The following TTC7B variants were observed in gnomAD, a reference collection of about 807,000 sequenced individuals.
TTC7B encodes the protein tetratricopeptide repeat domain 7B.
TTC7B carries 28 observed loss-of-function variants against 106.8 expected under a neutral mutation model. The observed-to-expected ratio is 0.26, with a 90% confidence interval of 0.19 to 0.36. The LOEUF (loss-of-function observed/expected upper bound fraction) is 0.36. Ranked by LOEUF, TTC7B falls within the 10% of genes least tolerant of loss-of-function variation. The pLI is 1.00. For missense variants in TTC7B, 862 were observed against 1,076.4 expected, an observed-to-expected ratio of 0.80 and a Z score of 2.79; for synonymous variants, 405 against 430.6, an observed-to-expected ratio of 0.94 and a Z score of 0.74.
chr14:90,679,216 A>G (rs1043918250), intron 8 of TTC7B, among the ~76,000 whole-genome samples: 10 of 152,374 alleles, frequency 6.6e-5, no homozygotes, highest in African/African-American at 2.2e-4. Flanking sequence ...AAGAGCCTCC[A>G]GATCAAAAGA....
rs956601615 is a variant in TTC7B, at chr14:90,578,836, C to T, written c.2108-528G>A. Among the ~76,000 whole-genome samples the T allele has an allele frequency of 2.0e-5, 3 of 152,108 alleles. No homozygotes were observed. Among genetic ancestry groups the T allele is most frequent in the Admixed American group, 6.6e-5 (1 of 15,264 alleles). ...CAGGCGTGATGCAAGATGGCTGCCC[C>T]GCCACACCTGGCCCCTGAGCTCACC... On this transcript the variant is annotated intron_variant, in intron 18 of 19. Transcript: ENST00000328459. The surrounding 1 kb of genome is among the most constrained non-coding windows in gnomAD (Gnocchi z 4.7).
At position 90,759,535 on chromosome 14, in the gene TTC7B, G is replaced by C. The variant is rs947199013; in HGVS notation, c.446-14613C>G. On this transcript the variant is annotated intron_variant, in intron 3 of 19. Coordinates refer to ENST00000328459, the MANE Select transcript of TTC7B (RefSeq NM_001010854.2). This position sits in a 1 kb window ranked among gnomAD's most constrained non-coding sequence, Gnocchi z 4.1. ...ACCACACATTGCAGAGGCGAAAACT[G>C]CATTAAGGAGGCCCAGAGAGTCACC... is the stretch of plus-strand genomic sequence containing the variant. Among the ~76,000 whole-genome samples, 1 of 152,188 alleles carries C rather than the reference G, an allele frequency of 6.6e-6. No homozygotes were observed. Among genetic ancestry groups the C allele is most frequent in the African/African-American group, 2.4e-5 (1 of 41,444 alleles).
chr14:90,747,688 T>G (rs1327176435), intron 3 of TTC7B, among the ~76,000 whole-genome samples: 2 of 152,250 alleles, frequency 1.3e-5, no homozygotes, highest in Non-Finnish European at 2.9e-5. Flanking sequence ...ACCAATCATC[T>G]GTCCACTTGT....
chr14:90,643,974 T>C (rs1427967525), intron 15 of TTC7B, 74 bp downstream of exon 15: 1 of 1,563,974 alleles, frequency 6.4e-7, no homozygotes, highest in African/African-American at 1.4e-5. Context: ...TTAGACAGAT[T>C]GGAAAGAAGG....
chr14:90,766,838 T>C, intron 3 of TTC7B: 1 of 1,596,628 alleles, frequency 6.3e-7, no homozygotes, highest in South Asian at 1.1e-5. Context: ...GCCAATGGTC[T>C]GGACAACAAG....
At chr14:90,643,300 A>T (rs1351696513) in intron 15 of TTC7B, among the ~76,000 whole-genome samples, 2 of 151,910 alleles carry the variant, frequency 1.3e-5, no homozygotes, top group Non-Finnish European at 2.9e-5. Flanking sequence ...CCCAGCTACT[A>T]GGGAAGCTGA....
At position 90,657,413 on chromosome 14, in the gene TTC7B, G is replaced by T. The variant is rs948494947; in HGVS notation, c.1237-135C>A. On this transcript the variant is annotated intron_variant, in intron 10 of 19. Transcript: ENST00000328459. This position sits in a 1 kb window ranked among gnomAD's most constrained non-coding sequence, Gnocchi z 4.2. ...CAACTTTAAGCCCAAGCAAGCGGGG[G>T]CCTGAGGTGCATGAAAACCAGAGCC... 2.8e-6 allele frequency: 2 copies of T among 708,014 alleles called. No homozygotes were observed. The highest frequency in any genetic ancestry group is 2.8e-5 in the Admixed American group (1 of 35,278). The allele number at this position is 708,014 out of a possible 1,614,324, so 43.9% of individuals were successfully genotyped here.
At chr14:90,591,701 A>ACCAG (rs1891965597) in intron 18 of TTC7B, among the ~76,000 whole-genome samples, 1 of 152,218 alleles carries the variant, frequency 6.6e-6, no homozygotes. Context: ...CTGCCCCTAC[A>ACCAG]CCAGCCCCAC....
At chr14:90,605,076 T>C (rs921192481) in intron 17 of TTC7B, among the ~76,000 whole-genome samples, 2 of 152,084 alleles carry the variant, frequency 1.3e-5, no homozygotes, top group African/African-American at 4.8e-5. Flanking sequence ...GAATATAAAG[T>C]TGGGGGTGGG....
intron 19 of TTC7B, among the ~76,000 whole-genome samples, chr14:90,554,331 T>A (rs1890210990): frequency 6.6e-6 from 1 of 152,140 alleles, no homozygotes; most frequent in Non-Finnish European, 1.5e-5. Context: ...GGACCAGCCA[T>A]CCTATTTGAC....
chr14:90,756,384 G>GTTTTTTTTTTT (rs369068692), intron 3 of TTC7B, among the ~76,000 whole-genome samples: 15 of 126,814 alleles, frequency 1.2e-4, no homozygotes, highest in Admixed American at 2.9e-4. Flanking sequence ...TTTTTTTTTT[G>GTTTTTTTTTTT]TTTTTTTTTT....
At chr14:90,678,905 C>T (rs906006441) in intron 8 of TTC7B, among the ~76,000 whole-genome samples, 3 of 152,160 alleles carry the variant, frequency 2.0e-5, no homozygotes, top group Non-Finnish European at 4.4e-5. Flanking sequence ...AGTCATCATG[C>T]TTTCAGAACT....
In TTC7B at chr14:90,531,287, A is replaced by C. The variant is rs1228135237; in HGVS notation, c.*10081T>G. ...AACAAACAAACAAACAAACAAAAAA[A>C]CAGCTGGGCACAGTGGCTCACGCCT... On this transcript the variant is annotated 3_prime_UTR_variant, in exon 20 of 20. Transcript: ENST00000328459. 1 of 152,168 alleles carries C rather than the reference A, an allele frequency of 6.6e-6. No homozygotes were observed. Among genetic ancestry groups the C allele is most frequent in the African/African-American group, 2.4e-5 (1 of 41,430 alleles). The allele number at this position is 152,168 out of a possible 1,614,324, so 9.4% of individuals were successfully genotyped here.
chr14:90,785,083 C>T (rs890878618), intron 2 of TTC7B, among the ~76,000 whole-genome samples: 3 of 152,104 alleles, frequency 2.0e-5, no homozygotes, highest in Admixed American at 1.3e-4. Flanking sequence ...CCGGGAAGGT[C>T]CAAGCTCACC....
At chr14:90,697,837 G>A (rs919763553) in intron 5 of TTC7B, 15 of 152,250 alleles carry the variant, frequency 9.9e-5, no homozygotes, top group African/African-American at 3.6e-4. Flanking sequence ...GCCACTGGGT[G>A]CGTATTCCCA....
At chr14:90,781,781 A>T (rs1891227160) in intron 2 of TTC7B, among the ~76,000 whole-genome samples, 1 of 152,046 alleles carries the variant, frequency 6.6e-6, no homozygotes, top group Non-Finnish European at 1.5e-5. Flanking sequence ...CCTAGAGGCT[A>T]AGGGCTGGAA....
intron 4 of TTC7B, among the ~76,000 whole-genome samples, chr14:90,732,785 G>C (rs2139991105): frequency 6.6e-6 from 1 of 152,114 alleles, no homozygotes; most frequent in Non-Finnish European, 1.5e-5. Flanking sequence ...CCCAGCTCCT[G>C]AATAATTTTT....
intron 5 of TTC7B, among the ~76,000 whole-genome samples, chr14:90,723,604 G>A (rs759863592): frequency 4.6e-5 from 7 of 152,118 alleles, no homozygotes; most frequent in Non-Finnish European, 7.3e-5. Context: ...TTTCCCCTGT[G>A]CTTGACCTGG....
intron 3 of TTC7B, among the ~76,000 whole-genome samples, chr14:90,753,084 A>AT (rs1376663105): frequency 6.6e-6 from 1 of 152,198 alleles, no homozygotes; most frequent in Non-Finnish European, 1.5e-5. Flanking sequence ...AAATATTTTG[A>AT]TTTTTTTGAA....
Sources: allele counts gnomAD v4.1 joint callset (sites outside exome capture counted in the v4.1 genomes callset), GRCh38; gene constraint gnomAD v4.1.1; non-coding constraint Gnocchi (gnomAD v3.1); transcripts MANE v1.5; gene names NCBI Gene and HGNC (gene_info 2026-07-23, HGNC 2026-07-21).